The following PCDHGB3 variants were observed in gnomAD, a reference collection of about 807,000 sequenced individuals.
PCDHGB3 encodes the protein protocadherin gamma-B3.
A neutral mutation model predicts 59.2 loss-of-function variants in PCDHGB3; 40 were observed. The observed-to-expected ratio is 0.68, with a 90% CI of 0.52 to 0.88. PCDHGB3 has a LOEUF of 0.88. Among genes scored for constraint, PCDHGB3 ranks in the 40% least tolerant of loss-of-function variants. PCDHGB3 has a pLI of 0.00. For synonymous variants in PCDHGB3, 581 were observed against 503.6 expected (o/e 1.15, Z -2.06); for missense variants, 1,309 against 1,187.9 (o/e 1.10, Z -1.50).
Position 141,455,633 on chromosome 5 carries a change from G to A in PCDHGB3, c.2416-39174G>A, listed in dbSNP as rs1049071525. On this transcript the variant is annotated intron_variant, in intron 1 of 3. Coordinates refer to ENST00000576222, the MANE Select transcript of PCDHGB3 (RefSeq NM_018924.5). ...ATGTTCTAAACACGTGGAGATATGT[G>A]GGGGGCAGCCATGTGGCCAGGAACT... Among the ~76,000 whole-genome samples, 19 of 152,198 alleles carry A rather than the reference G, an allele frequency of 1.2e-4. No homozygotes were observed. In the East Asian group the frequency reaches 3.1e-3, roughly 25 times the overall value.
chr5:141,376,144 G>C, intron 1 of PCDHGB3: 1 of 1,613,918 alleles, frequency 6.2e-7, no homozygotes, highest in Non-Finnish European at 8.5e-7. Context: ...CCAACGATTC[G>C]GACCTCACTC....
At chr5:141,408,177 G>C (rs1359754385) in intron 1 of PCDHGB3, 3 of 1,534,464 alleles carry the variant, frequency 2.0e-6, no homozygotes, top group Non-Finnish European at 2.6e-6. Context: ...GGAAAAGCGG[G>C]GACCCAGCGA....
chr5:141,402,100 A>G (rs1589449876), intron 1 of PCDHGB3, among the ~76,000 whole-genome samples: 1 of 152,220 alleles, frequency 6.6e-6, no homozygotes, highest in South Asian at 2.1e-4. Flanking sequence ...AGTTTAAGCA[A>G]TTACAAAAAT....
At chr5:141,436,950 C>A (rs894702404) in intron 1 of PCDHGB3, among the ~76,000 whole-genome samples, 3 of 152,138 alleles carry the variant, frequency 2.0e-5, no homozygotes, top group African/African-American at 7.2e-5. Flanking sequence ...ATAGTGAAAT[C>A]TAAACAAGGA....
intron 1 of PCDHGB3, chr5:141,427,649 C>T (rs1283312654): frequency 1.4e-6 from 1 of 717,274 alleles, no homozygotes; most frequent in East Asian, 2.7e-5. Context: ...AAGTCTCCTA[C>T]GTGGTCCACG....
chr5:141,463,572 C>A (rs1462125489), intron 1 of PCDHGB3, among the ~76,000 whole-genome samples: 2 of 151,572 alleles, frequency 1.3e-5, no homozygotes, highest in African/African-American at 4.9e-5. Context: ...CCTCAGCCTC[C>A]CGAGTAGCTG....
intron 1 of PCDHGB3, chr5:141,409,128 T>C (rs755394129): frequency 6.2e-6 from 10 of 1,613,976 alleles, no homozygotes; most frequent in South Asian, 1.1e-5. Flanking sequence ...TCATTTGATT[T>C]TGAAGATGTA....
rs2097721634 is a variant in PCDHGB3, at chr5:141,434,835, A to G, written c.2416-59972A>G. On this transcript the variant is annotated intron_variant, in intron 1 of 3. Coordinates refer to ENST00000576222, the MANE Select transcript of PCDHGB3 (RefSeq NM_018924.5). ...ATATCCCTTAGTACACTTGGCATTT[A>G]TAAAGCAGACATCAATAAATTTATA... 2.0e-5 allele frequency among the ~76,000 whole-genome samples: 3 copies of G among 151,972 alleles called. 1 individual carries two copies. In the South Asian group the frequency reaches 6.2e-4, roughly 32 times the overall value.
At position 141,473,299 on chromosome 5, in the gene PCDHGB3, G is replaced by A. The variant is rs182316672; in HGVS notation, c.2416-21508G>A. The stretch of plus-strand genomic sequence containing the variant: ...TATTTTACTATGTCAGTAGCATAAA[G>A]ATTGCTATATTAATAAGCATTAAGT... On this transcript the variant is annotated intron_variant, in intron 1 of 3. Coordinates refer to ENST00000576222, the MANE Select transcript of PCDHGB3 (RefSeq NM_018924.5). 5.6e-4 allele frequency among the ~76,000 whole-genome samples: 86 copies of A among 152,346 alleles called. 1 individual carries two copies. The highest frequency in any genetic ancestry group is 1.9e-3 in the African/African-American group (81 of 41,572).
Position 141,490,885 on chromosome 5 carries a change from T to C in PCDHGB3, c.2416-3922T>C, listed in dbSNP as rs1317781676. The stretch of plus-strand genomic sequence containing the variant: ...CTCTCCCCCATTGCATGCCAACACA[T>C]CTCTGCATGTGTTTGTCCTAGACGA... On this transcript the variant is annotated intron_variant, in intron 1 of 3. Coordinates refer to ENST00000576222, the MANE Select transcript of PCDHGB3 (RefSeq NM_018924.5). This position sits in a 1 kb window ranked among gnomAD's most constrained non-coding sequence, Gnocchi z 5.4. The C allele has an allele frequency of 6.2e-7, 1 of 1,613,872 alleles. No individual in the cohort carries two copies. Among genetic ancestry groups the C allele is most frequent in the Non-Finnish European group, 8.5e-7 (1 of 1,179,904 alleles).
chr5:141,404,411 G>A, intron 1 of PCDHGB3: 1 of 1,613,854 alleles, frequency 6.2e-7, no homozygotes, highest in Non-Finnish European at 8.5e-7. Flanking sequence ...GAATTCTAGA[G>A]TTATTTACTC....
At chr5:141,403,749 C>A in intron 1 of PCDHGB3, 1 of 1,613,652 alleles carries the variant, frequency 6.2e-7, no homozygotes, top group African/African-American at 1.3e-5. Context: ...ACTGCAACAG[C>A]CAGCGACCTG....
chr5:141,425,844 G>C (rs985746948), intron 1 of PCDHGB3, among the ~76,000 whole-genome samples: 1 of 152,104 alleles, frequency 6.6e-6, no homozygotes, highest in Admixed American at 6.6e-5. Flanking sequence ...CTCTTTGCTG[G>C]GTTAATGACT....
intron 1 of PCDHGB3, among the ~76,000 whole-genome samples, chr5:141,455,997 A>C (rs1373055623): frequency 1.3e-5 from 2 of 151,626 alleles, no homozygotes. Context: ...TCTCGGGTTC[A>C]TGCCATTCTC....
chr5:141,384,595 G>A, intron 1 of PCDHGB3: 1 of 1,614,198 alleles, frequency 6.2e-7, no homozygotes, highest in Non-Finnish European at 8.5e-7. Flanking sequence ...CCTGTACCCG[G>A]CCCTCCCCAC....
chr5:141,377,133 G>A (rs1013848288), intron 1 of PCDHGB3: 25 of 152,138 alleles, frequency 1.6e-4, no homozygotes, highest in African/African-American at 5.8e-4. Flanking sequence ...ATTTTGTGGG[G>A]GAAAATAATG....
chr5:141,405,328 C>T (rs4912606), intron 1 of PCDHGB3: 66,412 of 1,613,986 alleles, frequency 0.041, 1,736 homozygotes, highest in Non-Finnish European at 0.046. Flanking sequence ...AGCCTTTGTG[C>T]GTCTCTGTTG....
At chr5:141,393,525 A>G in intron 1 of PCDHGB3, 1 of 1,613,922 alleles carries the variant, frequency 6.2e-7, no homozygotes, top group Non-Finnish European at 8.5e-7. Context: ...TACAAATGAC[A>G]ATGCCCCGGT....
intron 1 of PCDHGB3, among the ~76,000 whole-genome samples, chr5:141,462,430 T>C (rs1471523013): frequency 2.0e-5 from 3 of 152,230 alleles, no homozygotes; most frequent in African/African-American, 4.8e-5. Flanking sequence ...TTGGTGAGTG[T>C]TGCTTACACA....
Sources: allele counts gnomAD v4.1 joint callset (sites outside exome capture counted in the v4.1 genomes callset), GRCh38; gene constraint gnomAD v4.1.1; non-coding constraint Gnocchi (gnomAD v3.1); transcripts MANE v1.5; gene names NCBI Gene and HGNC (gene_info 2026-07-23, HGNC 2026-07-21).